PARP11: variants seen among roughly 807,000 people sequenced by gnomAD.
The protein encoded by PARP11 is poly(ADP-ribose) polymerase family member 11, also known as protein mono-ADP-ribosyltransferase PARP11.
Under a neutral mutation model 42.9 loss-of-function variants are expected in PARP11, and 31 were observed. The observed-to-expected ratio is 0.72, with a 90% CI of 0.54 to 0.98. The LOEUF is 0.98. Ranked by LOEUF, PARP11 falls within the 50% of genes least tolerant of loss-of-function variation. The probability of loss-of-function intolerance (pLI) is 0.00; values close to 1 mark genes in which losing one functional copy is unlikely to be tolerated. For missense variants in PARP11, 365 were observed against 413.1 expected, an observed-to-expected ratio of 0.88 and a Z score of 1.01; for synonymous variants, 137 against 127.3, an observed-to-expected ratio of 1.08 and a Z score of -0.51.
chr12:3,860,762 G>A (rs914857625), intron 1 of PARP11, among the ~76,000 whole-genome samples: 2 of 152,060 alleles, frequency 1.3e-5, no homozygotes, highest in African/African-American at 4.8e-5. Context: ...CTGCAACCTC[G>A]AACTCCTAGT....
intron 1 of PARP11, among the ~76,000 whole-genome samples, chr12:3,851,726 T>C (rs1948098110): frequency 6.6e-6 from 1 of 152,226 alleles, no homozygotes; most frequent in African/African-American, 2.4e-5. Context: ...CAGACTTAAA[T>C]GTCCGTGTCT....
intron 1 of PARP11, among the ~76,000 whole-genome samples, chr12:3,869,763 T>C (rs1235516021): frequency 6.6e-6 from 1 of 152,230 alleles, no homozygotes; most frequent in East Asian, 1.9e-4. Context: ...TTAAATTAAA[T>C]GTATTTGCAT....
At chr12:3,817,897 G>T (rs746041057) in intron 6 of PARP11, among the ~76,000 whole-genome samples, 1 of 152,114 alleles carries the variant, frequency 6.6e-6, no homozygotes, top group African/African-American at 2.4e-5. Context: ...GATCTGTGGC[G>T]GGTGACAGGT....
At chr12:3,871,659 A>G (rs1379093938) in intron 1 of PARP11, 1 of 152,202 alleles carries the variant, frequency 6.6e-6, no homozygotes, top group Non-Finnish European at 1.5e-5. Flanking sequence ...CCATTTTTCC[A>G]GTCAACTCCT....
chr12:3,851,106 G>C (rs1948088546), intron 1 of PARP11, among the ~76,000 whole-genome samples: 1 of 152,192 alleles, frequency 6.6e-6, no homozygotes, highest in Non-Finnish European at 1.5e-5. Flanking sequence ...GCATGTTACA[G>C]AAATTTAAGA....
intron 1 of PARP11, among the ~76,000 whole-genome samples, chr12:3,851,512 G>A (rs553104777): frequency 2.0e-5 from 3 of 152,340 alleles, no homozygotes; most frequent in East Asian, 1.9e-4. Context: ...CACTGCTAGC[G>A]CAGCAGTCCG....
intron 1 of PARP11, among the ~76,000 whole-genome samples, chr12:3,831,004 AAG>A (rs1947628246): frequency 6.6e-6 from 1 of 152,222 alleles, no homozygotes; most frequent in South Asian, 2.1e-4. Flanking sequence ...AAAGGAGACA[AAG>A]AGGCTGGTCA....
intron 1 of PARP11, among the ~76,000 whole-genome samples, chr12:3,870,330 A>G (rs1271152336): frequency 1.3e-5 from 2 of 152,240 alleles, no homozygotes; most frequent in Non-Finnish European, 2.9e-5. Context: ...GGGTGGCAAA[A>G]GAAGAATGTG....
intron 1 of PARP11, among the ~76,000 whole-genome samples, chr12:3,846,323 A>C (rs1947994352): frequency 6.6e-6 from 1 of 152,166 alleles, no homozygotes; most frequent in Admixed American, 6.5e-5. Flanking sequence ...CAGAAATGAA[A>C]AAGGTGACAA....
chr12:3,816,570 T>C (rs1013630802), intron 6 of PARP11, among the ~76,000 whole-genome samples: 1 of 152,228 alleles, frequency 6.6e-6, no homozygotes, highest in African/African-American at 2.4e-5. Context: ...ACCACTATGG[T>C]AATCCTATTA....
At chr12:3,846,779 A>AAAG (rs1565545096) in intron 1 of PARP11, among the ~76,000 whole-genome samples, 1 of 148,784 alleles carries the variant, frequency 6.7e-6, no homozygotes, top group Non-Finnish European at 1.5e-5. Flanking sequence ...AAAGAAAAGA[A>AAAG]AAAAGAAATA....
chr12:3,846,048 TAAAA>T (rs1360460669), intron 1 of PARP11, among the ~76,000 whole-genome samples: 1 of 152,154 alleles, frequency 6.6e-6, no homozygotes, highest in African/African-American at 2.4e-5. Context: ...ATGTTACTTG[TAAAA>T]AAAGTATATA....
chr12:3,849,498 G>C (rs1330873113), intron 1 of PARP11, among the ~76,000 whole-genome samples: 1 of 152,136 alleles, frequency 6.6e-6, no homozygotes, highest in East Asian at 1.9e-4. Context: ...CATGACATTG[G>C]CAGCAACATG....
At chr12:3,869,265 G>A (rs1210324928) in intron 1 of PARP11, among the ~76,000 whole-genome samples, 1 of 152,186 alleles carries the variant, frequency 6.6e-6, no homozygotes, top group Non-Finnish European at 1.5e-5. Flanking sequence ...GTATTAATAT[G>A]TGGATATCTT....
At position 3,822,068 on chromosome 12, in the gene PARP11, G is replaced by A. The variant is rs1947406583; in HGVS notation, c.417+17C>T. On this transcript the variant is annotated intron_variant, in intron 5 of 7. Coordinates refer to ENST00000228820, the MANE Select transcript of PARP11 (RefSeq NM_020367.6). Reference sequence around the variant, plus strand: ...CCGGTTTCTTTCATGGGTATATTCAGTCAATTCTGCTCTTACCTGATATGG... The same window carrying A: ...CCGGTTTCTTTCATGGGTATATTCAATCAATTCTGCTCTTACCTGATATGG... 6.2e-7 allele frequency: 1 copy of A among 1,612,002 alleles called. No homozygotes were observed. The highest frequency in any genetic ancestry group is 8.5e-7 in the Non-Finnish European group (1 of 1,179,112).
chr12:3,833,268 A>G (rs2138053163), intron 1 of PARP11, among the ~76,000 whole-genome samples: 1 of 152,334 alleles, frequency 6.6e-6, no homozygotes, highest in South Asian at 2.1e-4. Flanking sequence ...CCAGAATGAC[A>G]GAATAAGGAG....
chr12:3,862,234 C>G (rs1423034716), intron 1 of PARP11, among the ~76,000 whole-genome samples: 1 of 152,052 alleles, frequency 6.6e-6, no homozygotes, highest in African/African-American at 2.4e-5. Flanking sequence ...GACTAGATCA[C>G]TTGAAGTCAG....
At chr12:3,855,537 A>C (rs1948174904) in intron 1 of PARP11, among the ~76,000 whole-genome samples, 4 of 152,254 alleles carry the variant, frequency 2.6e-5, no homozygotes, top group Admixed American at 1.3e-4. Context: ...TGCTACAAAG[A>C]GAATAAAATA....
At chr12:3,865,249 A>G (rs1948370655) in intron 1 of PARP11, among the ~76,000 whole-genome samples, 1 of 152,100 alleles carries the variant, frequency 6.6e-6, no homozygotes, top group Admixed American at 6.5e-5. Context: ...ATGTACTGAG[A>G]TATGTTTTAT....
Sources: allele counts gnomAD v4.1 joint callset (sites outside exome capture counted in the v4.1 genomes callset), GRCh38; gene constraint gnomAD v4.1.1; transcripts MANE v1.5; gene names NCBI Gene and HGNC (gene_info 2026-07-23, HGNC 2026-07-21).